CHD6: variants seen among roughly 807,000 people sequenced by gnomAD.
CHD6 encodes chromodomain helicase DNA binding protein 6.
Under a neutral mutation model 276.9 loss-of-function variants are expected in CHD6, and 50 were observed. The ratio of observed to expected loss-of-function variants is 0.18; its 90% CI spans 0.14 to 0.23. CHD6 has a LOEUF of 0.23. Among genes scored for constraint, CHD6 ranks in the 10% least tolerant of loss-of-function variants. The pLI, the probability that CHD6 is intolerant of heterozygous loss-of-function variation, is 1.00. For synonymous variants in CHD6, 1,173 were observed against 1,229.3 expected (o/e 0.95, Z 0.96); for missense variants, 2,564 against 3,365.8 (o/e 0.76, Z 5.89).
At chr20:41,447,588 A>C (rs1289154149) in intron 24 of CHD6, among the ~76,000 whole-genome samples, 1 of 152,262 alleles carries the variant, frequency 6.6e-6, no homozygotes, top group Non-Finnish European at 1.5e-5. Flanking sequence ...CACTCGTTCT[A>C]CAGTAAATGA....
At chr20:41,486,163 A>T (rs1283794262) in intron 14 of CHD6, 1 of 152,168 alleles carries the variant, frequency 6.6e-6, no homozygotes, top group Non-Finnish European at 1.5e-5. Flanking sequence ...CAGCTAGCTG[A>T]TTGTTAAAGA....
intron 25 of CHD6, among the ~76,000 whole-genome samples, chr20:41,442,205 T>C (rs1467420968): frequency 6.6e-6 from 1 of 151,956 alleles, no homozygotes; most frequent in African/African-American, 2.4e-5. Context: ...TTTAGGAGGC[T>C]GAGGCAAGAG....
chr20:41,404,039 T>C lies in CHD6; in HGVS notation c.*554A>G. 1 of 1,047,530 alleles carries C rather than the reference T, an allele frequency of 9.5e-7. No individual in the cohort carries two copies. Among genetic ancestry groups the C allele is most frequent in the Non-Finnish European group, 1.2e-6 (1 of 867,132 alleles). The allele number at this position is 1,047,530 out of a possible 1,614,324, so 64.9% of individuals were successfully genotyped here. A position where few individuals can be genotyped will look rare whatever the true frequency, so the allele number is the denominator to read the frequency against. On this transcript the variant is annotated 3_prime_UTR_variant, in exon 37 of 37. Transcript: ENST00000373233. ...TTTTATAAAGAAATGAATATATGTA[T>C]TTTCAACCATTAGTTATATACTTCT...
intron 16 of CHD6, among the ~76,000 whole-genome samples, chr20:41,475,771 A>G (rs2043155470): frequency 6.6e-6 from 1 of 152,190 alleles, no homozygotes. Context: ...TAGATACCAC[A>G]TAGATCAGAG....
At chr20:41,414,728 G>A (rs903048753) in intron 34 of CHD6, 3 of 642,434 alleles carry the variant, frequency 4.7e-6, no homozygotes, top group Non-Finnish European at 6.1e-6. Context: ...GGAGCAAAGT[G>A]AGTCTCAGTT....
chr20:41,587,984 G>C (rs1398155180), intron 1 of CHD6, among the ~76,000 whole-genome samples: 2 of 152,028 alleles, frequency 1.3e-5, no homozygotes, highest in East Asian at 1.9e-4. Context: ...AGGGACCTTG[G>C]GCATGGAAAA....
chr20:41,555,660 C>T (rs1320877607), intron 1 of CHD6, among the ~76,000 whole-genome samples: 1 of 150,664 alleles, frequency 6.6e-6, no homozygotes, highest in African/African-American at 2.4e-5. Context: ...GACGGGGCGG[C>T]GGGGCAGAGG....
At chr20:41,417,124 A>C in intron 32 of CHD6, 74 bp downstream of exon 32, 1 of 1,356,012 alleles carries the variant, frequency 7.4e-7, no homozygotes, top group African/African-American at 1.5e-5. Context: ...AACTATTTCT[A>C]AAAGGGTTAA....
At chr20:41,596,477 G>A (rs765084604) in intron 1 of CHD6, among the ~76,000 whole-genome samples, 2 of 151,760 alleles carry the variant, frequency 1.3e-5, no homozygotes, top group Non-Finnish European at 2.9e-5. Flanking sequence ...ACCATGATCC[G>A]CAGGGCTGCT....
chr20:41,583,062 C>T (rs550837491), intron 1 of CHD6, among the ~76,000 whole-genome samples: 30 of 151,980 alleles, frequency 2.0e-4, no homozygotes, highest in African/African-American at 6.8e-4. Flanking sequence ...GAGGGACTGA[C>T]GCAGAAACAG....
intron 5 of CHD6, among the ~76,000 whole-genome samples, chr20:41,507,340 T>A (rs2044000525): frequency 6.6e-6 from 1 of 151,558 alleles, no homozygotes; most frequent in African/African-American, 2.4e-5. Flanking sequence ...ACACTCTTCA[T>A]CATAGGAAAT....
At chr20:41,481,873 C>A (rs561918163) in intron 16 of CHD6, among the ~76,000 whole-genome samples, 1 of 151,692 alleles carries the variant, frequency 6.6e-6, no homozygotes, top group Non-Finnish European at 1.5e-5. Flanking sequence ...TTACAAAGTG[C>A]AATGTAGAAC....
intron 1 of CHD6, chr20:41,614,572 C>G (rs2045917933): frequency 6.6e-6 from 1 of 152,156 alleles, no homozygotes; most frequent in Admixed American, 6.5e-5. Flanking sequence ...CACAGAATCA[C>G]TATTTACTGA....
chr20:41,482,292 C>T (rs1167622973), intron 16 of CHD6, among the ~76,000 whole-genome samples: 1 of 152,104 alleles, frequency 6.6e-6, no homozygotes, highest in Non-Finnish European at 1.5e-5. Context: ...TTGATTTATT[C>T]ATGTAATACA....
chr20:41,503,398 C>T (rs2043886585), intron 5 of CHD6, among the ~76,000 whole-genome samples: 1 of 152,164 alleles, frequency 6.6e-6, no homozygotes, highest in Admixed American at 6.5e-5. Flanking sequence ...TACTCCCTTT[C>T]TAATCTTTTA....
At position 41,430,348 on chromosome 20, in the gene CHD6, C is replaced by A. The variant is rs140557523; in HGVS notation, c.4069-4195G>T. Among the ~76,000 whole-genome samples the A allele has an allele frequency of 3.6e-3, 554 of 152,210 alleles. 4 individuals are homozygous for A. Among genetic ancestry groups the A allele is most frequent in the African/African-American group, 0.012 (511 of 41,528 alleles). ...AGAGTTTAACTCTAATATATAAGAG[C>A]GCTTAAGTTATTTTTATTGATTCTG... On this transcript the variant is annotated intron_variant, in intron 27 of 36. Transcript: ENST00000373233.
At chr20:41,491,929 A>G (rs920731150) in intron 10 of CHD6, 110 bp from the exon 11 acceptor site, 1 of 1,209,194 alleles carries the variant, frequency 8.3e-7, no homozygotes, top group Non-Finnish European at 1.2e-6. Flanking sequence ...CTGGTTTCAA[A>G]CTATAGTTAT....
At chr20:41,566,137 T>C (rs1056781824) in intron 1 of CHD6, among the ~76,000 whole-genome samples, 1 of 152,164 alleles carries the variant, frequency 6.6e-6, no homozygotes, top group Non-Finnish European at 1.5e-5. Context: ...TTAACTGGTC[T>C]GAGGTGACAC....
chr20:41,562,991 C>G (rs1019642480), intron 1 of CHD6, among the ~76,000 whole-genome samples: 4 of 152,206 alleles, frequency 2.6e-5, no homozygotes, highest in Non-Finnish European at 4.4e-5. Flanking sequence ...TGAGGAAGCT[C>G]TGTGCTTGGC....
Sources: allele counts gnomAD v4.1 joint callset (sites outside exome capture counted in the v4.1 genomes callset), GRCh38; gene constraint gnomAD v4.1.1; transcripts MANE v1.5; gene names NCBI Gene and HGNC (gene_info 2026-07-23, HGNC 2026-07-21).